Variants in ZNF827 observed in about 807,000 individuals in gnomAD.
ZNF827 encodes the protein zinc finger protein 827.
In ZNF827, 13 loss-of-function variants were observed where a neutral mutation model predicts 102.4. The observed-to-expected ratio is 0.13, with a 90% CI of 0.08 to 0.20. ZNF827 has a LOEUF of 0.20. Among genes scored for constraint, ZNF827 ranks in the 10% least tolerant of loss-of-function variants. The probability of loss-of-function intolerance (pLI) is 1.00; values close to 1 mark genes in which losing one functional copy is unlikely to be tolerated. For missense variants in ZNF827, 1,103 were observed against 1,344.4 expected (o/e 0.82, Z 2.81); for synonymous variants, 523 against 536.2 (o/e 0.98, Z 0.34).
chr4:145,861,797 G>A (rs1747758685), intron 5 of ZNF827, among the ~76,000 whole-genome samples: 11 of 152,170 alleles, frequency 7.2e-5, no homozygotes, highest in Admixed American at 7.2e-4. Flanking sequence ...TACGATGAAG[G>A]TGGAGCACAT....
chr4:145,925,115 C>G (rs1273773369), intron 1 of ZNF827, among the ~76,000 whole-genome samples: 2 of 152,108 alleles, frequency 1.3e-5, no homozygotes, highest in African/African-American at 4.8e-5. Flanking sequence ...CTTTATAAAA[C>G]CATCAGATCT....
chr4:145,763,495 G>T lies in ZNF827; in HGVS notation c.3231-373C>A, dbSNP rs1156833251. 6.6e-6 allele frequency among the ~76,000 whole-genome samples: 1 copy of T among 152,166 alleles called. No homozygotes were observed. Among genetic ancestry groups the T allele is most frequent in the Non-Finnish European group, 1.5e-5 (1 of 68,028 alleles). On this transcript the variant is annotated intron_variant, in intron 13 of 14. Coordinates refer to ENST00000508784, the MANE Select transcript of ZNF827 (RefSeq NM_001306215.2). The surrounding 1 kb of genome is among the most constrained non-coding windows in gnomAD (Gnocchi z 4.6). Reference sequence around the variant, plus strand: ...TATTACACAGGGGACGGTTAGCACCGCACGGGAAGTGTCTGTACCAGCAAA... The same window carrying T: ...TATTACACAGGGGACGGTTAGCACCTCACGGGAAGTGTCTGTACCAGCAAA...
intron 2 of ZNF827, among the ~76,000 whole-genome samples, chr4:145,901,933 T>C (rs1414697272): frequency 6.6e-6 from 1 of 152,244 alleles, no homozygotes; most frequent in Non-Finnish European, 1.5e-5. Flanking sequence ...GAATGCTGTA[T>C]GTCTCTAAGA....
intron 1 of ZNF827, 41 bp downstream of exon 1, chr4:145,938,324 G>A: frequency 1.9e-6 from 3 of 1,612,978 alleles, no homozygotes; most frequent in Non-Finnish European, 2.5e-6. Context: ...GAGGGAGGGC[G>A]AGAAAATGGC....
chr4:145,791,153 C>A (rs1457727099), intron 8 of ZNF827, among the ~76,000 whole-genome samples: 2 of 152,214 alleles, frequency 1.3e-5, no homozygotes, highest in African/African-American at 2.4e-5. Flanking sequence ...ATGTTTTTCT[C>A]ACAGTTCTGG....
Position 145,870,226 on chromosome 4 carries a change from T to C in ZNF827, c.1981+19A>G, listed in dbSNP as rs1410871894. The C allele has an allele frequency of 1.2e-6, 2 of 1,611,056 alleles. No individual in the cohort carries two copies. Among genetic ancestry groups the C allele is most frequent in the Non-Finnish European group, 1.7e-6 (2 of 1,177,860 alleles). The stretch of plus-strand genomic sequence containing the variant: ...AGTGAAACTATCAGAATGTGAATAT[T>C]TTAGAATAAATCAAGTACCTGAGAG... On this transcript the variant is annotated intron_variant, in intron 5 of 14. Coordinates refer to ENST00000508784, the MANE Select transcript of ZNF827 (RefSeq NM_001306215.2).
chr4:145,858,136 T>A (rs1425297076), intron 5 of ZNF827, among the ~76,000 whole-genome samples: 4 of 12,396 alleles, frequency 3.2e-4, no homozygotes, highest in African/African-American at 1.6e-3. Context: ...CATGTGTGAG[T>A]GTGTGTGTGT....
chr4:145,809,453 C>T (rs1457541539), intron 8 of ZNF827, among the ~76,000 whole-genome samples: 1 of 151,886 alleles, frequency 6.6e-6, no homozygotes, highest in Non-Finnish European at 1.5e-5. Flanking sequence ...ATAGTCCCTC[C>T]CTAAAACTAA....
At chr4:145,840,272 T>C (rs1191645986) in intron 7 of ZNF827, among the ~76,000 whole-genome samples, 4 of 152,258 alleles carry the variant, frequency 2.6e-5, no homozygotes, top group Non-Finnish European at 1.5e-5. Flanking sequence ...CAGCTGCAGA[T>C]AGTGGTGTAG....
Position 145,760,748 on chromosome 4 carries a change from T to A in ZNF827, c.*868A>T. 5 of 871,028 alleles carry A rather than the reference T, an allele frequency of 5.7e-6. No individual in the cohort carries two copies. Among genetic ancestry groups the A allele is most frequent in the Non-Finnish European group, 7.0e-6 (5 of 716,948 alleles). 54.0% of individuals were successfully genotyped at this position (871,028 alleles called of 1,614,324 possible). On this transcript the variant is annotated 3_prime_UTR_variant, in exon 15 of 15. Transcript: ENST00000508784. The stretch of plus-strand genomic sequence containing the variant: ...TTTTTTTTTTTTTTTGTCTTTTGTC[T>A]CTCTGTTTTTGGTACAGAACATGGC...
intron 8 of ZNF827, among the ~76,000 whole-genome samples, chr4:145,808,595 G>C (rs1213211924): frequency 6.6e-6 from 1 of 152,200 alleles, no homozygotes; most frequent in Non-Finnish European, 1.5e-5. Context: ...AAATTATGAA[G>C]GTAGTAGGTA....
At chr4:145,909,515 A>G (rs1210058520) in intron 1 of ZNF827, among the ~76,000 whole-genome samples, 1 of 152,130 alleles carries the variant, frequency 6.6e-6, no homozygotes, top group African/African-American at 2.4e-5. Flanking sequence ...ACTTCCCACT[A>G]GAGAAAGGTC....
At chr4:145,937,126 G>A (rs1249800085) in intron 1 of ZNF827, among the ~76,000 whole-genome samples, 1 of 152,092 alleles carries the variant, frequency 6.6e-6, no homozygotes, top group African/African-American at 2.4e-5. Context: ...CACTCAAAGC[G>A]GAGAAAGACT....
chr4:145,923,519 T>C (rs1753223695), intron 1 of ZNF827, among the ~76,000 whole-genome samples: 1 of 150,944 alleles, frequency 6.6e-6, no homozygotes, highest in East Asian at 1.9e-4. Flanking sequence ...CTTGGGAGGC[T>C]GAGGCAGGAG....
At chr4:145,899,787 T>C (rs577100888) in intron 2 of ZNF827, among the ~76,000 whole-genome samples, 12 of 152,150 alleles carry the variant, frequency 7.9e-5, no homozygotes, top group African/African-American at 2.2e-4. Flanking sequence ...AATGGGAGAG[T>C]TGGGGTGGGG....
chr4:145,937,460 G>A (rs1381914148), intron 1 of ZNF827, among the ~76,000 whole-genome samples: 1 of 151,188 alleles, frequency 6.6e-6, no homozygotes, highest in Non-Finnish European at 1.5e-5. Context: ...GCTCTGCAGG[G>A]ACCTCGCGCG....
At chr4:145,794,944 CA>C (rs1446649042) in intron 8 of ZNF827, among the ~76,000 whole-genome samples, 1 of 152,068 alleles carries the variant, frequency 6.6e-6, no homozygotes, top group Non-Finnish European at 1.5e-5. Flanking sequence ...TTTCTTCTTC[CA>C]AAGTGAAGAT....
intron 8 of ZNF827, among the ~76,000 whole-genome samples, chr4:145,823,180 G>A (rs1184116624): frequency 1.3e-5 from 2 of 152,186 alleles, no homozygotes; most frequent in Non-Finnish European, 1.5e-5. Context: ...CATTATGTGG[G>A]TGAAATATCA....
At chr4:145,845,827 A>G in intron 7 of ZNF827, 129 bp downstream of exon 7, 2 of 837,188 alleles carry the variant, frequency 2.4e-6, no homozygotes, top group South Asian at 3.3e-5. Flanking sequence ...CTGGTAGAAC[A>G]TGGTGGTAAA....
Sources: gnomAD v4.1 joint callset for allele counts (sites outside exome capture counted in the v4.1 genomes callset) on GRCh38, gnomAD v4.1.1 for gene constraint, Gnocchi (gnomAD v3.1) non-coding constraint, MANE v1.5 for transcripts, NCBI Gene and HGNC (gene_info 2026-07-23, HGNC 2026-07-21) for gene names.